GNA12: variants seen among roughly 807,000 people sequenced by gnomAD.
GNA12 encodes guanine nucleotide-binding protein subunit alpha-12.
In GNA12, 9 loss-of-function variants were observed where a neutral mutation model predicts 26.0. That is an observed-to-expected ratio of 0.35 (90% CI 0.21 to 0.60). GNA12 has a LOEUF of 0.60. Among genes scored for constraint, GNA12 ranks in the 20% least tolerant of loss-of-function variants. GNA12 has a pLI of 0.78. For missense variants in GNA12, 405 were observed against 525.8 expected (o/e 0.77, Z 2.25); for synonymous variants, 264 against 219.6 (o/e 1.20, Z -1.79).
intron 1 of GNA12, among the ~76,000 whole-genome samples, chr7:2,834,115 G>A (rs1257458338): frequency 6.6e-6 from 1 of 152,224 alleles, no homozygotes; most frequent in Admixed American, 6.5e-5. Flanking sequence ...TTCAGCTAGA[G>A]TGCTGCGACT....
intron 2 of GNA12, among the ~76,000 whole-genome samples, chr7:2,783,046 T>A (rs1792269234): frequency 6.6e-6 from 1 of 152,344 alleles, no homozygotes; most frequent in South Asian, 2.1e-4. Context: ...AGGGCAGCTG[T>A]TTAAAGACCG....
intron 1 of GNA12, among the ~76,000 whole-genome samples, chr7:2,837,840 TA>T (rs34262163): frequency 1.4e-3 from 197 of 140,336 alleles, no homozygotes; most frequent in Middle Eastern, 3.6e-3. Flanking sequence ...GAATAGGTAA[TA>T]AAAAAAAAAG....
intron 2 of GNA12, among the ~76,000 whole-genome samples, chr7:2,755,968 C>T (rs767134355): frequency 6.6e-6 from 1 of 152,162 alleles, no homozygotes; most frequent in Non-Finnish European, 1.5e-5. Flanking sequence ...AATTGACAAG[C>T]TCATTTTAAA....
At chr7:2,807,708 G>T (rs1007555149) in intron 1 of GNA12, among the ~76,000 whole-genome samples, 3 of 152,106 alleles carry the variant, frequency 2.0e-5, no homozygotes, top group African/African-American at 7.2e-5. Context: ...AAAGCTGGAA[G>T]AAGTAAATTT....
chr7:2,778,551 C>G (rs937730529), intron 2 of GNA12, among the ~76,000 whole-genome samples: 10 of 152,222 alleles, frequency 6.6e-5, no homozygotes, highest in Admixed American at 6.5e-5. Flanking sequence ...ATACAGGCCC[C>G]TACTTCAGGA....
intron 1 of GNA12, among the ~76,000 whole-genome samples, chr7:2,796,166 C>A (rs1367209073): frequency 6.6e-6 from 1 of 152,162 alleles, no homozygotes; most frequent in Non-Finnish European, 1.5e-5. Flanking sequence ...ATAGTAGCCT[C>A]CACCCCTTAT....
At chr7:2,742,743 G>A (rs1406860164) in intron 2 of GNA12, among the ~76,000 whole-genome samples, 2 of 152,202 alleles carry the variant, frequency 1.3e-5, no homozygotes, top group Non-Finnish European at 2.9e-5. Flanking sequence ...CACAGGTGAT[G>A]CACATCTTCC....
At chr7:2,732,754 G>A (rs760279443) in intron 3 of GNA12, among the ~76,000 whole-genome samples, 5 of 152,152 alleles carry the variant, frequency 3.3e-5, no homozygotes, top group Non-Finnish European at 5.9e-5. Context: ...AAGTCCACAT[G>A]GTAAGAAACC....
intron 1 of GNA12, among the ~76,000 whole-genome samples, chr7:2,801,285 G>A (rs552015619): frequency 6.6e-6 from 1 of 152,298 alleles, no homozygotes; most frequent in Admixed American, 6.5e-5. Context: ...AGCTTCACAA[G>A]GAGTACAATC....
chr7:2,789,414 C>T lies in GNA12; in HGVS notation c.525+5514G>A, dbSNP rs376177355. 2.5e-4 allele frequency among the ~76,000 whole-genome samples: 38 copies of T among 151,822 alleles called. No individual in the cohort carries two copies. In the East Asian group the frequency reaches 2.9e-3, roughly 12 times the overall value. ...CCTCCCAAAGTGCTGGGATTACAGG[C>T]GTGAGCCACCGCGCCCGGCCCCTTC... is the stretch of plus-strand genomic sequence containing the variant. On this transcript the variant is annotated intron_variant, in intron 2 of 3. Transcript: ENST00000275364.
chr7:2,810,882 G>A (rs998083266), intron 1 of GNA12, among the ~76,000 whole-genome samples: 1 of 150,820 alleles, frequency 6.6e-6, no homozygotes, highest in Non-Finnish European at 1.5e-5. Context: ...TGGGTGACAA[G>A]AGTGAAACTC....
At chr7:2,837,674 G>C (rs527963054) in intron 1 of GNA12, among the ~76,000 whole-genome samples, 1 of 152,104 alleles carries the variant, frequency 6.6e-6, no homozygotes, top group African/African-American at 2.4e-5. Flanking sequence ...GTATCCTTCA[G>C]GAATGAAGAG....
rs767454931 is a variant in GNA12, at chr7:2,733,433, G to A, written c.576+18C>T. 1.4e-5 allele frequency: 22 copies of A among 1,610,750 alleles called. No individual in the cohort carries two copies. Among genetic ancestry groups the A allele is most frequent in the African/African-American group, 6.7e-5 (5 of 74,824 alleles). Reference sequence around the variant, plus strand: ...TAACCCTGGAGCCCAGCTTCTTCGGGCGGGCGTGCTTACTCACCAGCTGGC... The same window carrying A: ...TAACCCTGGAGCCCAGCTTCTTCGGACGGGCGTGCTTACTCACCAGCTGGC... On this transcript the variant is annotated intron_variant, in intron 3 of 3. Coordinates refer to ENST00000275364, the MANE Select transcript of GNA12 (RefSeq NM_007353.3).
intron 2 of GNA12, among the ~76,000 whole-genome samples, chr7:2,755,453 T>C (rs1791248860): frequency 6.6e-6 from 1 of 152,214 alleles, no homozygotes; most frequent in Non-Finnish European, 1.5e-5. Context: ...AAACAAGTCC[T>C]CTAGATGTTG....
chr7:2,824,326 G>C (rs1227404922), intron 1 of GNA12, among the ~76,000 whole-genome samples: 1 of 152,132 alleles, frequency 6.6e-6, no homozygotes, highest in Non-Finnish European at 1.5e-5. Flanking sequence ...CGTCTTCCCA[G>C]TGGCCTGCAC....
chr7:2,838,729 T>G (rs1340832889), intron 1 of GNA12, among the ~76,000 whole-genome samples: 1 of 152,092 alleles, frequency 6.6e-6, no homozygotes, highest in East Asian at 1.9e-4. Context: ...ATGAAAGCAT[T>G]AATAAAAACA....
chr7:2,757,903 T>C (rs1791378694), intron 2 of GNA12, among the ~76,000 whole-genome samples: 1 of 152,238 alleles, frequency 6.6e-6, no homozygotes, highest in African/African-American at 2.4e-5. Flanking sequence ...TTAGTGGTTC[T>C]CTGACTCCTG....
chr7:2,753,620 A>C (rs1335521885), intron 2 of GNA12, among the ~76,000 whole-genome samples: 1 of 152,144 alleles, frequency 6.6e-6, no homozygotes, highest in Non-Finnish European at 1.5e-5. Flanking sequence ...TCTGTATTTT[A>C]GCTATTACAC....
intron 1 of GNA12, among the ~76,000 whole-genome samples, chr7:2,820,500 G>C (rs1355712579): frequency 1.3e-5 from 2 of 148,880 alleles, no homozygotes; most frequent in African/African-American, 5.0e-5. Context: ...CTTGAAACTA[G>C]CCCAGGAGAC....
Sources: gnomAD v4.1 joint callset for allele counts (sites outside exome capture counted in the v4.1 genomes callset) on GRCh38, gnomAD v4.1.1 for gene constraint, MANE v1.5 for transcripts, NCBI Gene and HGNC (gene_info 2026-07-23, HGNC 2026-07-21) for gene names.